The following CDH13 variants were observed in gnomAD, a reference collection of about 807,000 sequenced individuals.
The protein encoded by CDH13 is cadherin-13.
In CDH13, 24 loss-of-function variants were observed where a neutral mutation model predicts 63.8. The ratio of observed to expected loss-of-function variants is 0.38; its 90% CI spans 0.27 to 0.53. The LOEUF (loss-of-function observed/expected upper bound fraction) is 0.53, where lower values mean the gene tolerates loss of function less well. Among genes scored for constraint, CDH13 ranks in the 20% least tolerant of loss-of-function variants. CDH13 has a pLI of 0.85. For synonymous variants in CDH13, 503 were observed against 355.3 expected (o/e 1.42, Z -4.67); for missense variants, 1,049 against 903.1 (o/e 1.16, Z -2.07).
chr16:83,239,184 A>G (rs1291520847), intron 5 of CDH13, among the ~76,000 whole-genome samples: 1 of 152,190 alleles, frequency 6.6e-6, no homozygotes, highest in East Asian at 1.9e-4. Flanking sequence ...GTGAGGTTTC[A>G]TTAATATGAG....
rs571072666 is a variant in CDH13 at position 83,787,636 on chromosome 16, C to A, written c.2134+4164C>A. Among the ~76,000 whole-genome samples the A allele has an allele frequency of 1.1e-4, 17 of 152,314 alleles. No individual in the cohort carries two copies. In the South Asian group the frequency reaches 3.5e-3, roughly 32 times the overall value. Reference sequence around the variant, plus strand: ...CTGCCCAAAGACCAGCACTTAGAAGCCACTGCTCTACAAGCAATGCTTGCA... The same window carrying A: ...CTGCCCAAAGACCAGCACTTAGAAGACACTGCTCTACAAGCAATGCTTGCA... On this transcript the variant is annotated intron_variant, in intron 13 of 13. Coordinates refer to ENST00000567109, the MANE Select transcript of CDH13 (RefSeq NM_001257.5).
intron 10 of CDH13, among the ~76,000 whole-genome samples, chr16:83,723,336 C>T (rs952156143): frequency 1.3e-5 from 2 of 152,224 alleles, no homozygotes; most frequent in East Asian, 1.9e-4. Context: ...TAGCACCTCT[C>T]TCCATGTCCC....
At chr16:83,031,912 A>G (rs1168765694) in intron 2 of CDH13, 98 bp from the exon 3 acceptor site, 1 of 952,352 alleles carries the variant, frequency 1.1e-6, no homozygotes, top group Admixed American at 2.2e-5. Flanking sequence ...CTGGGTTGGG[A>G]AACTATGTGG....
At chr16:83,507,427 A>G (rs898158709) in intron 7 of CDH13, among the ~76,000 whole-genome samples, 1 of 152,228 alleles carries the variant, frequency 6.6e-6, no homozygotes, top group African/African-American at 2.4e-5. Context: ...TTTTCAAAGC[A>G]TATTTGGCTA....
chr16:82,962,092 G>C (rs1279387215), intron 2 of CDH13, among the ~76,000 whole-genome samples: 2 of 152,216 alleles, frequency 1.3e-5, no homozygotes. Flanking sequence ...GTGAATGTGA[G>C]CTTATTTGGC....
chr16:83,269,203 A>G (rs1323584312), intron 5 of CDH13, among the ~76,000 whole-genome samples: 1 of 152,220 alleles, frequency 6.6e-6, no homozygotes, highest in Non-Finnish European at 1.5e-5. Context: ...ATAACCTAAC[A>G]TAGTTTGCAT....
At chr16:82,834,456 A>T (rs1364810316) in intron 1 of CDH13, among the ~76,000 whole-genome samples, 2 of 152,136 alleles carry the variant, frequency 1.3e-5, no homozygotes, top group African/African-American at 4.8e-5. Flanking sequence ...GCCATAAGAA[A>T]GTTTCCCCCT....
chr16:82,769,875 A>G (rs536926041), intron 1 of CDH13, among the ~76,000 whole-genome samples: 1 of 152,356 alleles, frequency 6.6e-6, no homozygotes, highest in South Asian at 2.1e-4. Context: ...GTGACAGGAT[A>G]AGTCAGAGAG....
intron 5 of CDH13, among the ~76,000 whole-genome samples, chr16:83,239,689 C>T (rs1237387051): frequency 6.6e-6 from 1 of 152,222 alleles, no homozygotes; most frequent in Non-Finnish European, 1.5e-5. Context: ...CACTCACTGG[C>T]TAATTCAACA....
At chr16:83,372,207 A>G (rs2091379889) in intron 6 of CDH13, among the ~76,000 whole-genome samples, 4 of 152,212 alleles carry the variant, frequency 2.6e-5, no homozygotes, top group Admixed American at 2.6e-4. Context: ...ATAGGTGAGA[A>G]CACTGAGTCT....
At chr16:83,630,545 T>C (rs1053066195) in intron 8 of CDH13, among the ~76,000 whole-genome samples, 3 of 152,194 alleles carry the variant, frequency 2.0e-5, no homozygotes, top group African/African-American at 7.2e-5. Context: ...TTTGAGTCCT[T>C]GATCAAAGAC....
At chr16:83,540,294 T>C (rs770449364) in intron 7 of CDH13, among the ~76,000 whole-genome samples, 4 of 152,160 alleles carry the variant, frequency 2.6e-5, no homozygotes, top group Non-Finnish European at 4.4e-5. Context: ...AAATGCAGAA[T>C]GTTGGCAGAC....
rs189275029 is a variant in CDH13, at chr16:83,331,536, C to A, written c.637-13326C>A. Among the ~76,000 whole-genome samples the A allele has an allele frequency of 4.6e-5, 7 of 152,314 alleles. No homozygotes were observed. In the East Asian group the frequency reaches 1.3e-3, roughly 29 times the overall value. On this transcript the variant is annotated intron_variant, in intron 5 of 13. Coordinates refer to ENST00000567109, the MANE Select transcript of CDH13 (RefSeq NM_001257.5). ...AGTCAGTGTGTAGTCACTGCCTGAA[C>A]AAGTTACAATCTTAAAATAAAAACC...
intron 7 of CDH13, among the ~76,000 whole-genome samples, chr16:83,576,098 G>A (rs918161102): frequency 6.6e-6 from 1 of 152,142 alleles, no homozygotes; most frequent in South Asian, 2.1e-4. Flanking sequence ...CCTCCAGCTG[G>A]TCTTAAAATA....
intron 3 of CDH13, among the ~76,000 whole-genome samples, chr16:83,113,457 T>C (rs1028902028): frequency 9.9e-5 from 15 of 152,250 alleles, no homozygotes; most frequent in African/African-American, 3.1e-4. Context: ...AAGTGCTTTT[T>C]AGACACCTGC....
intron 1 of CDH13, among the ~76,000 whole-genome samples, chr16:82,752,925 GATAA>G (rs1470246326): frequency 2.0e-5 from 3 of 152,200 alleles, no homozygotes; most frequent in African/African-American, 2.4e-5. Flanking sequence ...AGATATAATA[GATAA>G]ATAATCTTAA....
At chr16:83,206,807 CAA>C (rs757333956) in intron 4 of CDH13, among the ~76,000 whole-genome samples, 1 of 152,316 alleles carries the variant, frequency 6.6e-6, no homozygotes, top group Non-Finnish European at 1.5e-5. Context: ...TTTCTCCAAT[CAA>C]GAGACCAAGG....
intron 2 of CDH13, among the ~76,000 whole-genome samples, chr16:82,955,012 C>T (rs752766133): frequency 6.6e-6 from 1 of 152,138 alleles, no homozygotes; most frequent in Non-Finnish European, 1.5e-5. Context: ...GGATATATCA[C>T]ATTTGTTTAT....
intron 2 of CDH13, among the ~76,000 whole-genome samples, chr16:82,920,712 TC>T: frequency 6.6e-6 from 1 of 152,276 alleles, no homozygotes; most frequent in East Asian, 1.9e-4. Context: ...CTCTCTTTTT[TC>T]CCCCTCTCTT....
Sources: allele counts gnomAD v4.1 joint callset (sites outside exome capture counted in the v4.1 genomes callset), GRCh38; gene constraint gnomAD v4.1.1; transcripts MANE v1.5; gene names NCBI Gene and HGNC (gene_info 2026-07-23, HGNC 2026-07-21).